The following ZMAT1 variants were observed in gnomAD, a reference collection of about 807,000 sequenced individuals.
ZMAT1 encodes zinc finger matrin-type 1, also known as zinc finger matrin-type protein 1.
Under a neutral mutation model 18.5 loss-of-function variants are expected in ZMAT1, and 11 were observed. That is an observed-to-expected ratio of 0.59 (90% CI 0.37 to 0.98). The LOEUF is 0.98. Among genes scored for constraint, ZMAT1 ranks in the 50% least tolerant of loss-of-function variants. The probability of loss-of-function intolerance (pLI) is 0.01; values close to 1 mark genes in which losing one functional copy is unlikely to be tolerated. For missense variants in ZMAT1, 525 were observed against 496.2 expected, an observed-to-expected ratio of 1.06 and a Z score of -0.55; for synonymous variants, 211 against 176.4, an observed-to-expected ratio of 1.20 and a Z score of -1.55.
chrX:101,902,576 A>G (rs1367584415), intron 2 of ZMAT1, among the ~76,000 whole-genome samples: 2 of 111,525 alleles, frequency 1.8e-5, no homozygotes, highest in South Asian at 3.7e-4. Context: ...TTAGCATACA[A>G]TAGAGGTGCC....
At chrX:101,903,413 A>C (rs1045975479) in intron 2 of ZMAT1, among the ~76,000 whole-genome samples, 1 of 112,110 alleles carries the variant, frequency 8.9e-6, no homozygotes, top group Non-Finnish European at 1.9e-5. Flanking sequence ...ATAGTAAATT[A>C]ATTTCAACCA....
intron 1 of ZMAT1, among the ~76,000 whole-genome samples, chrX:101,920,994 T>G (rs1232821077): frequency 1.8e-5 from 2 of 109,570 alleles, no homozygotes; most frequent in Non-Finnish European, 3.8e-5. Flanking sequence ...TCAAGCTAAA[T>G]TATGCTTTAG....
chrX:101,909,259 C>A (rs960955486), intron 1 of ZMAT1, among the ~76,000 whole-genome samples: 1 of 110,847 alleles, frequency 9.0e-6, no homozygotes, highest in Non-Finnish European at 1.9e-5. Flanking sequence ...CCTGAATAAC[C>A]AGCAGTGATA....
At chrX:101,919,786 C>T (rs1455218087) in intron 1 of ZMAT1, among the ~76,000 whole-genome samples, 4 of 111,094 alleles carry the variant, frequency 3.6e-5, no homozygotes, top group African/African-American at 9.8e-5. Flanking sequence ...AGGACAATAA[C>T]GGAAAGCTTA....
At chrX:101,886,434 T>C (rs948306859) in intron 5 of ZMAT1, among the ~76,000 whole-genome samples, 198 bp downstream of exon 5, 3 of 111,348 alleles carry the variant, frequency 2.7e-5, no homozygotes, top group Non-Finnish European at 5.7e-5. Context: ...GGTTTGCCAG[T>C]ACACTATCAT....
intron 1 of ZMAT1, among the ~76,000 whole-genome samples, chrX:101,909,176 G>A (rs1928801209): frequency 9.1e-6 from 1 of 109,690 alleles, no homozygotes; most frequent in African/African-American, 3.3e-5. Flanking sequence ...AGCCAGAAAG[G>A]TATTCCCTGA....
chrX:101,921,865 T>C (rs956951225), intron 1 of ZMAT1, among the ~76,000 whole-genome samples: 1 of 111,305 alleles, frequency 9.0e-6, no homozygotes, highest in African/African-American at 3.3e-5. Context: ...CAGTCTACAA[T>C]AGCTTCACCA....
chrX:101,903,896 G>A (rs1367667111), intron 2 of ZMAT1, among the ~76,000 whole-genome samples: 1 of 111,613 alleles, frequency 9.0e-6, no homozygotes, highest in Admixed American at 9.5e-5. Flanking sequence ...AATATCCCTT[G>A]ATTCACATTA....
chrX:101,889,958 C>T (rs1405968874), intron 4 of ZMAT1: 1 of 112,291 alleles, frequency 8.9e-6, no homozygotes, highest in Non-Finnish European at 1.9e-5. Flanking sequence ...GTCCAATTTA[C>T]CTATTTTAAA....
At chrX:101,931,690 C>T (rs1245649278) in intron 1 of ZMAT1, 27 bp downstream of exon 1, 61 of 754,994 alleles carry the variant, frequency 8.1e-5, no homozygotes, top group Non-Finnish European at 9.2e-5. Flanking sequence ...GATGGGGCCG[C>T]CCCCGCACCC....
In ZMAT1 at chrX:101,912,143, C is replaced by T. The variant is rs750206619; in HGVS notation, c.293-7813G>A. On this transcript the variant is annotated intron_variant, in intron 1 of 5. Coordinates refer to ENST00000651725, the MANE Select transcript of ZMAT1 (RefSeq NM_001394560.1). ...AGCTCATCCTTTTCTAGATTTGACT[C>T]AATCATACACATGAGAAACGTATAT... is the stretch of plus-strand genomic sequence containing the variant. 4.5e-5 allele frequency: 35 copies of T among 783,067 alleles called. No individual in the cohort carries two copies. In the Middle Eastern group the frequency reaches 9.8e-4, roughly 22 times the overall value. 64.5% of individuals were successfully genotyped at this position (783,067 alleles called of 1,213,427 possible).
chrX:101,899,362 G>T (rs1253423543), intron 2 of ZMAT1, among the ~76,000 whole-genome samples: 1 of 111,084 alleles, frequency 9.0e-6, no homozygotes, highest in Non-Finnish European at 1.9e-5. Context: ...GGTTACATGA[G>T]TAAGTTCTTT....
Position 101,883,826 on chromosome X carries a change from T to C in ZMAT1, c.1772A>G (p.His591Arg). 8.3e-7 allele frequency: 1 copy of C among 1,210,839 alleles called. No individual in the cohort carries two copies. The highest frequency in any genetic ancestry group is 1.1e-6 in the Non-Finnish European group (1 of 895,198). Residue 591 changes from histidine to arginine, a missense_variant, in exon 6 of 6, where the codon CAT becomes CGT. His to Arg is a conservative substitution (Grantham distance 29). Coordinates refer to ENST00000651725, the MANE Select transcript of ZMAT1 (RefSeq NM_001394560.1). The part of the protein sequence containing the change: ...ENNTADHQAG[H>R]KRKHQKRKRH... Reference sequence around the variant, plus strand: ...TTTTCTCTTCTGATGTTTCCGTTTATGACCTGCTTGATGGTCAGCAGTATT... The same window carrying C: ...TTTTCTCTTCTGATGTTTCCGTTTACGACCTGCTTGATGGTCAGCAGTATT...
chrX:101,895,018 T>C (rs899057566), intron 4 of ZMAT1: 1 of 309,314 alleles, frequency 3.2e-6, no homozygotes, highest in African/African-American at 2.8e-5. Context: ...TCCAAGCCCT[T>C]TGGTTCATCC....
chrX:101,909,729 G>C (rs912391783), intron 1 of ZMAT1, among the ~76,000 whole-genome samples: 3 of 112,596 alleles, frequency 2.7e-5, no homozygotes, highest in African/African-American at 9.7e-5. Context: ...GAGTCTTGTG[G>C]TTTGAGTACC....
At chrX:101,912,771 G>A (rs374466390) in intron 1 of ZMAT1, among the ~76,000 whole-genome samples, 1 of 111,834 alleles carries the variant, frequency 8.9e-6, no homozygotes, top group Non-Finnish European at 1.9e-5. Flanking sequence ...CAGGTTTTTA[G>A]TTATCCCTGC....
intron 1 of ZMAT1, among the ~76,000 whole-genome samples, chrX:101,910,544 T>A (rs1007916490): frequency 8.9e-6 from 1 of 112,079 alleles, no homozygotes; most frequent in Admixed American, 9.4e-5. Context: ...AGAGAAGGAA[T>A]TCAGAATTGT....
chrX:101,917,338 T>C (rs892816958), intron 1 of ZMAT1, among the ~76,000 whole-genome samples: 1 of 111,942 alleles, frequency 8.9e-6, no homozygotes, highest in Non-Finnish European at 1.9e-5. Context: ...AGAACTCCAA[T>C]GGAAAAAAAT....
Position 101,882,546 on chromosome X carries a change from C to A in ZMAT1, c.*964G>T, listed in dbSNP as rs1926547711. The A allele has an allele frequency of 9.0e-6, 1 of 110,915 alleles. No homozygotes were observed. Among genetic ancestry groups the A allele is most frequent in the Non-Finnish European group, 1.9e-5 (1 of 52,682 alleles). 9.1% of individuals were successfully genotyped at this position (110,915 alleles called of 1,213,427 possible). A position where few individuals can be genotyped will look rare whatever the true frequency, so the allele number is the denominator to read the frequency against. ...ACACAGAAAAACAACAATAAAATACCACCAACACTAACACAAAACCAAGGA... is the reference window on the plus strand; with the variant it reads ...ACACAGAAAAACAACAATAAAATACAACCAACACTAACACAAAACCAAGGA... On this transcript the variant is annotated 3_prime_UTR_variant, in exon 6 of 6. Transcript: ENST00000651725.
Sources: allele counts gnomAD v4.1 joint callset (sites outside exome capture counted in the v4.1 genomes callset), GRCh38; gene constraint gnomAD v4.1.1; transcripts MANE v1.5; gene names NCBI Gene and HGNC (gene_info 2026-07-23, HGNC 2026-07-21).